Variants in DMD observed in about 807,000 individuals in gnomAD.
The protein encoded by DMD is dystrophin.
DMD carries 63 observed loss-of-function variants against 330.1 expected under a neutral mutation model. The observed-to-expected ratio is 0.19, with a 90% CI of 0.16 to 0.24. DMD has a LOEUF of 0.24. Ranked by LOEUF, DMD falls within the 10% of genes least tolerant of loss-of-function variation. The probability of loss-of-function intolerance (pLI) is 1.00; values close to 1 mark genes in which losing one functional copy is unlikely to be tolerated. For synonymous variants in DMD, 1,223 were observed against 959.8 expected, an observed-to-expected ratio of 1.27 and a Z score of -5.07; for missense variants, 3,344 against 2,684.1, an observed-to-expected ratio of 1.25 and a Z score of -5.43.
intron 25 of DMD, among the ~76,000 whole-genome samples, chrX:32,457,061 GAA>G: frequency 9.9e-6 from 1 of 101,359 alleles, no homozygotes; most frequent in African/African-American, 3.6e-5. Flanking sequence ...GTAATAGGGG[GAA>G]AAAAAAAAGG....
intron 2 of DMD, among the ~76,000 whole-genome samples, chrX:32,920,524 T>C (rs911863470): frequency 1.8e-5 from 2 of 111,907 alleles, no homozygotes; most frequent in Non-Finnish European, 3.8e-5. Flanking sequence ...TCATCCTCCA[T>C]CTGTCCCTTT....
At chrX:31,237,349 T>C (rs1169267695) in intron 63 of DMD, among the ~76,000 whole-genome samples, 1 of 112,407 alleles carries the variant, frequency 8.9e-6, no homozygotes, top group Non-Finnish European at 1.9e-5. Context: ...TACTCTAGCA[T>C]AACAGAAGAG....
At chrX:31,178,861 T>C in intron 69 of DMD, 56 bp from the exon 70 acceptor site, 1 of 1,163,176 alleles carries the variant, frequency 8.6e-7, no homozygotes, top group Non-Finnish European at 1.2e-6. Flanking sequence ...TCAAAACTAA[T>C]GACCACTCCA....
intron 1 of DMD, among the ~76,000 whole-genome samples, chrX:33,093,224 A>G (rs1603268003): frequency 8.9e-6 from 1 of 112,020 alleles, no homozygotes; most frequent in Non-Finnish European, 1.9e-5. Context: ...GTTCCTTCCC[A>G]CAATAGGAGC....
chrX:32,555,146 C>T (rs2050158138), intron 16 of DMD, among the ~76,000 whole-genome samples: 3 of 110,988 alleles, frequency 2.7e-5, no homozygotes, highest in African/African-American at 9.8e-5. Flanking sequence ...GTTAGTTTAA[C>T]ACATGCAAAT....
At chrX:31,922,052 T>A (rs1569513191) in intron 47 of DMD, among the ~76,000 whole-genome samples, 1 of 111,943 alleles carries the variant, frequency 8.9e-6, no homozygotes, top group East Asian at 2.8e-4. Flanking sequence ...GGCAGGCCTC[T>A]GACCTTCTCC....
chrX:32,140,805 GC>G (rs1313417560), intron 44 of DMD, among the ~76,000 whole-genome samples: 1 of 110,538 alleles, frequency 9.0e-6, no homozygotes, highest in Non-Finnish European at 1.9e-5. Context: ...GGGGGAAACC[GC>G]CCCCATGATT....
At chrX:32,315,689 G>A (rs1423513111) in intron 41 of DMD, among the ~76,000 whole-genome samples, 1 of 110,822 alleles carries the variant, frequency 9.0e-6, no homozygotes, top group Non-Finnish European at 1.9e-5. Context: ...ACCATACCCT[G>A]GCTTCTCATC....
At position 31,915,377 on chromosome X, in the gene DMD, G is replaced by A. The variant is rs1031628109; in HGVS notation, c.6912+14219C>T. Among the ~76,000 whole-genome samples, 4 of 112,085 alleles carry A rather than the reference G, an allele frequency of 3.6e-5. No homozygotes were observed. The Admixed American group carries it at 3.8e-4, about 11-fold the overall frequency. Reference sequence around the variant, plus strand: ...GAGCAGAGACTACGTACCTAGGCTGGACTTTATGTGGGAAAGATACACATA... The same window carrying A: ...GAGCAGAGACTACGTACCTAGGCTGAACTTTATGTGGGAAAGATACACATA... On this transcript the variant is annotated intron_variant, in intron 47 of 78. Coordinates refer to ENST00000357033, the MANE Select transcript of DMD (RefSeq NM_004006.3).
intron 63 of DMD, among the ~76,000 whole-genome samples, chrX:31,235,275 G>T (rs1019961029): frequency 8.9e-6 from 1 of 111,883 alleles, no homozygotes; most frequent in Admixed American, 9.5e-5. Context: ...GATGACATAA[G>T]CAGTATTCCA....
intron 62 of DMD, among the ~76,000 whole-genome samples, chrX:31,292,300 A>T (rs1326205336): frequency 8.9e-6 from 1 of 111,953 alleles, no homozygotes; most frequent in Admixed American, 9.5e-5. Flanking sequence ...TAGGCAAGAG[A>T]CTGAATAGAT....
chrX:33,118,163 T>C (rs1274964250), intron 1 of DMD, among the ~76,000 whole-genome samples: 2 of 100,848 alleles, frequency 2.0e-5, no homozygotes, highest in African/African-American at 7.4e-5. Flanking sequence ...CAGGCTGGAG[T>C]GCAGTGGCGC....
intron 74 of DMD, among the ~76,000 whole-genome samples, chrX:31,159,238 G>A (rs2038528925): frequency 9.0e-6 from 1 of 111,323 alleles, no homozygotes; most frequent in Non-Finnish European, 1.9e-5. Flanking sequence ...AACCTTACTC[G>A]AAGGCAAAAA....
At chrX:33,114,704 T>G (rs1301702616) in intron 1 of DMD, among the ~76,000 whole-genome samples, 1 of 111,578 alleles carries the variant, frequency 9.0e-6, no homozygotes, top group Non-Finnish European at 1.9e-5. Context: ...GTTATTATTA[T>G]GAAAACATAA....
chrX:31,964,649 C>T (rs762329645), intron 45 of DMD, among the ~76,000 whole-genome samples: 1 of 105,666 alleles, frequency 9.5e-6, no homozygotes, highest in African/African-American at 3.5e-5. Context: ...ATGAGAGATA[C>T]AGAAAGAGGG....
intron 29 of DMD, among the ~76,000 whole-genome samples, chrX:32,421,895 T>C (rs758765675): frequency 8.9e-6 from 1 of 111,820 alleles, no homozygotes; most frequent in Non-Finnish European, 1.9e-5. Context: ...ACAGGAAGTA[T>C]CTGTTCCGTC....
intron 52 of DMD, among the ~76,000 whole-genome samples, chrX:31,680,006 G>C: frequency 8.9e-6 from 1 of 112,370 alleles, no homozygotes; most frequent in East Asian, 2.8e-4. Context: ...CCATGTGACA[G>C]GCTAGACATA....
chrX:31,615,373 A>G (rs1337663093), intron 55 of DMD, among the ~76,000 whole-genome samples: 1 of 111,749 alleles, frequency 8.9e-6, no homozygotes, highest in Non-Finnish European at 1.9e-5. Context: ...TATTAACGTT[A>G]TCTATCAGTC....
chrX:31,394,045 C>A (rs764220800), intron 60 of DMD, among the ~76,000 whole-genome samples: 1 of 112,258 alleles, frequency 8.9e-6, no homozygotes, highest in Admixed American at 9.4e-5. Context: ...AGAACCTGAG[C>A]TCTGTTTATT....
Sources: allele counts gnomAD v4.1 joint callset (sites outside exome capture counted in the v4.1 genomes callset), GRCh38; gene constraint gnomAD v4.1.1; transcripts MANE v1.5; gene names NCBI Gene and HGNC (gene_info 2026-07-23, HGNC 2026-07-21).